Variants in TAFA1 observed in about 807,000 individuals in gnomAD.
The protein encoded by TAFA1 is chemokine-like protein TAFA-1.
Under a neutral mutation model 18.5 loss-of-function variants are expected in TAFA1, and 4 were observed. That is an observed-to-expected ratio of 0.22 (90% CI 0.11 to 0.49). TAFA1 has a LOEUF of 0.49. TAFA1 is among the 20% of genes least tolerant of loss of function. The probability of loss-of-function intolerance (pLI) is 0.98; values close to 1 mark genes in which losing one functional copy is unlikely to be tolerated. For missense variants in TAFA1, 147 were observed against 169.0 expected (o/e 0.87, Z 0.72); for synonymous variants, 56 against 55.2 (o/e 1.01, Z -0.06).
At chr3:68,475,273 A>T (rs2072069772) in intron 3 of TAFA1, among the ~76,000 whole-genome samples, 1 of 151,964 alleles carries the variant, frequency 6.6e-6, no homozygotes, top group Non-Finnish European at 1.5e-5. Context: ...CTCATCATTT[A>T]GCATTAGGTA....
chr3:68,443,243 G>A (rs2071416683), intron 3 of TAFA1, among the ~76,000 whole-genome samples: 1 of 151,990 alleles, frequency 6.6e-6, no homozygotes, highest in Admixed American at 6.6e-5. Flanking sequence ...CCTCTAAGAA[G>A]CACAAGCACA....
At chr3:68,322,158 A>G (rs1367807983) in intron 2 of TAFA1, among the ~76,000 whole-genome samples, 11 of 152,240 alleles carry the variant, frequency 7.2e-5, no homozygotes, top group Non-Finnish European at 1.5e-4. Context: ...AAAATTACAT[A>G]TACAAGTACA....
chr3:68,194,254 G>T (rs2066383821), intron 2 of TAFA1, among the ~76,000 whole-genome samples: 1 of 151,734 alleles, frequency 6.6e-6, no homozygotes, highest in African/African-American at 2.4e-5. Context: ...AAATGACAAA[G>T]GGCATGAACA....
At chr3:68,389,829 C>T (rs982145588) in intron 2 of TAFA1, among the ~76,000 whole-genome samples, 4 of 152,110 alleles carry the variant, frequency 2.6e-5, no homozygotes, top group Non-Finnish European at 5.9e-5. Flanking sequence ...TGCTATCCGG[C>T]CCAGATACTA....
chr3:68,202,179 C>A (rs1263246618), intron 2 of TAFA1, among the ~76,000 whole-genome samples: 1 of 151,634 alleles, frequency 6.6e-6, no homozygotes, highest in Non-Finnish European at 1.5e-5. Context: ...GCAGTCACAC[C>A]CACTTTCTTT....
intron 2 of TAFA1, among the ~76,000 whole-genome samples, chr3:68,355,669 G>A (rs753872238): frequency 6.6e-5 from 10 of 151,922 alleles, no homozygotes; most frequent in Non-Finnish European, 1.0e-4. Context: ...ATACAATTTC[G>A]TGAAATTGAT....
intron 2 of TAFA1, among the ~76,000 whole-genome samples, chr3:68,212,540 GCAGT>G (rs1375680875): frequency 6.6e-6 from 1 of 151,966 alleles, no homozygotes; most frequent in Non-Finnish European, 1.5e-5. Flanking sequence ...CCTGCAATGA[GCAGT>G]CACTTTTCTT....
At chr3:68,403,638 G>A (rs181061757) in intron 2 of TAFA1, among the ~76,000 whole-genome samples, 16 of 152,270 alleles carry the variant, frequency 1.1e-4, no homozygotes, top group Non-Finnish European at 1.8e-4. Context: ...ACACTAACTT[G>A]TTTATGTATC....
intron 2 of TAFA1, among the ~76,000 whole-genome samples, chr3:68,215,220 G>A (rs967808010): frequency 1.3e-5 from 2 of 151,994 alleles, no homozygotes; most frequent in Admixed American, 6.6e-5. Flanking sequence ...CACTTTCCAT[G>A]CATTATTCTA....
intron 3 of TAFA1, among the ~76,000 whole-genome samples, chr3:68,470,196 T>C (rs1320356781): frequency 6.6e-6 from 1 of 152,196 alleles, no homozygotes; most frequent in East Asian, 1.9e-4. Flanking sequence ...TGACTTTGAT[T>C]CTCATTCACC....
rs528381270 is a variant in TAFA1 at position 68,146,722 on chromosome 3, G to A, written c.118+139978G>A. Among the ~76,000 whole-genome samples, 5 of 152,290 alleles carry A rather than the reference G, an allele frequency of 3.3e-5. No individual in the cohort carries two copies. In the East Asian group the frequency reaches 7.7e-4, roughly 24 times the overall value. ...TCAGTAGTTCTTTAACTCTTCCTGGGTGATCCCAATTTATAACTGAGGTTG... is the reference window on the plus strand; with the variant it reads ...TCAGTAGTTCTTTAACTCTTCCTGGATGATCCCAATTTATAACTGAGGTTG... On this transcript the variant is annotated intron_variant, in intron 2 of 4. Transcript: ENST00000478136.
At chr3:68,438,407 G>T (rs896886446) in intron 3 of TAFA1, among the ~76,000 whole-genome samples, 1 of 152,130 alleles carries the variant, frequency 6.6e-6, no homozygotes, top group Non-Finnish European at 1.5e-5. Flanking sequence ...CTCCATATCT[G>T]CATTTTCTGC....
In TAFA1 at chr3:68,398,114, A is replaced by G. The variant is rs137996183; in HGVS notation, c.119-19166A>G. ...AAAAAAAAGAGCCCGTATAGCCAAGACAATCCTAAACAAAAAGAACAAAGC... is the reference window on the plus strand; with the variant it reads ...AAAAAAAAGAGCCCGTATAGCCAAGGCAATCCTAAACAAAAAGAACAAAGC... On this transcript the variant is annotated intron_variant, in intron 2 of 4. Coordinates refer to ENST00000478136, the MANE Select transcript of TAFA1 (RefSeq NM_213609.4). 4.3e-3 allele frequency among the ~76,000 whole-genome samples: 659 copies of G among 152,286 alleles called. 11 individuals are homozygous for G. The East Asian group carries it at 0.064, about 15-fold the overall frequency.
In TAFA1 at chr3:68,535,397, AC is replaced by A. The variant is rs376012866; in HGVS notation, c.260-3358del. ...TGCCATCAAAAAGAAAAAAAAAAAA[AC>A]AACTTTAAACTCTCAATCATTCTAT... On this transcript the variant is annotated intron_variant, in intron 3 of 4. Transcript: ENST00000478136. Among the ~76,000 whole-genome samples, 46 of 151,766 alleles carry A rather than the reference AC, an allele frequency of 3.0e-4. No individual in the cohort carries two copies. In the South Asian group the frequency reaches 4.4e-3, roughly 14 times the overall value.
chr3:68,318,587 T>C (rs779049723), intron 2 of TAFA1, among the ~76,000 whole-genome samples: 1 of 152,198 alleles, frequency 6.6e-6, no homozygotes, highest in Non-Finnish European at 1.5e-5. Flanking sequence ...GTCCATCAAA[T>C]CTTAAATTGT....
rs536109834 is a variant in TAFA1, at chr3:68,236,149, C to T, written c.119-181131C>T. ...AAGTTGATGCTCAATAAAGGCAGAA[C>T]ACCAAAAGCCTCATATTCAAGTAGG... On this transcript the variant is annotated intron_variant, in intron 2 of 4. Coordinates refer to ENST00000478136, the MANE Select transcript of TAFA1 (RefSeq NM_213609.4). Among the ~76,000 whole-genome samples, 24 of 152,202 alleles carry T rather than the reference C, an allele frequency of 1.6e-4. No homozygotes were observed. In the East Asian group the frequency reaches 3.5e-3, roughly 22 times the overall value.
intron 2 of TAFA1, among the ~76,000 whole-genome samples, chr3:68,365,958 G>T (rs1469108472): frequency 3.3e-5 from 5 of 151,774 alleles, no homozygotes. Flanking sequence ...GGTGGCACGT[G>T]CCTGTAGTCC....
chr3:68,221,024 T>C (rs761787587), intron 2 of TAFA1, among the ~76,000 whole-genome samples: 12 of 152,126 alleles, frequency 7.9e-5, no homozygotes, highest in Non-Finnish European at 1.5e-4. Context: ...TGTAGAAGCC[T>C]CCAACCACAT....
intron 2 of TAFA1, among the ~76,000 whole-genome samples, chr3:68,123,456 C>T (rs2106865500): frequency 6.6e-6 from 1 of 152,180 alleles, no homozygotes; most frequent in Non-Finnish European, 1.5e-5. Flanking sequence ...GTAGAGGAGT[C>T]CTGCCTGAGA....
Sources: allele counts gnomAD v4.1 joint callset (sites outside exome capture counted in the v4.1 genomes callset), GRCh38; gene constraint gnomAD v4.1.1; transcripts MANE v1.5; gene names NCBI Gene and HGNC (gene_info 2026-07-23, HGNC 2026-07-21).